Variants in RAD21L1 observed in about 807,000 individuals in gnomAD.
RAD21L1 encodes double-strand-break repair protein rad21-like protein 1.
Under a neutral mutation model 69.0 loss-of-function variants are expected in RAD21L1, and 47 were observed. The observed-to-expected ratio is 0.68, with a 90% CI of 0.54 to 0.87. RAD21L1 has a LOEUF of 0.87. Among genes scored for constraint, RAD21L1 ranks in the 40% least tolerant of loss-of-function variants. RAD21L1 has a pLI of 0.00. For synonymous variants in RAD21L1, 177 were observed against 205.8 expected (o/e 0.86, Z 1.20); for missense variants, 583 against 647.6 (o/e 0.90, Z 1.08).
Position 1,244,171 on chromosome 20 carries a change from G to A in RAD21L1, c.1308+1G>A. 1 of 1,534,596 alleles carries A rather than the reference G, an allele frequency of 6.5e-7. No individual in the cohort carries two copies. The highest frequency in any genetic ancestry group is 1.2e-5 in the South Asian group (1 of 81,280). On this transcript the variant is annotated splice_donor_variant, in intron 11 of 13. Transcript: ENST00000683101. LOFTEE classifies it high-confidence loss of function. ...TACCAATAAAAATATTAACTCTGAGGTAAGTTATCCAGAGAGAATCGTAAA... is the reference window on the plus strand; with the variant it reads ...TACCAATAAAAATATTAACTCTGAGATAAGTTATCCAGAGAGAATCGTAAA...
intron 11 of RAD21L1, among the ~76,000 whole-genome samples, chr20:1,245,807 G>T (rs750892815): frequency 6.6e-6 from 1 of 151,832 alleles, no homozygotes. Flanking sequence ...CTCTCTGCTT[G>T]CTTATTGCAG....
In RAD21L1 at chr20:1,246,527, A is replaced by G. The variant is rs893755412; in HGVS notation, c.1401+222A>G. Reference sequence around the variant, plus strand: ...TTTAATTTCTTTTGAAACTTCAAATACTTTTAAGGGAAAGTGTGAGGTTTT... The same window carrying G: ...TTTAATTTCTTTTGAAACTTCAAATGCTTTTAAGGGAAAGTGTGAGGTTTT... On this transcript the variant is annotated intron_variant, in intron 12 of 13. Transcript: ENST00000683101. The surrounding 1 kb of genome is among the most constrained non-coding windows in gnomAD (Gnocchi z 4.6). Among the ~76,000 whole-genome samples the G allele has an allele frequency of 1.3e-5, 2 of 152,188 alleles. No homozygotes were observed. The highest frequency in any genetic ancestry group is 2.9e-5 in the Non-Finnish European group (2 of 68,024).
At chr20:1,243,270 A>G (rs2087654220) in intron 10 of RAD21L1, 74 bp downstream of exon 10, 1 of 684,102 alleles carries the variant, frequency 1.5e-6, no homozygotes, top group Non-Finnish European at 2.4e-6. Flanking sequence ...AAATTTCAAA[A>G]TGAAGGTGGG....
Position 1,242,667 on chromosome 20 carries a change from C to A in RAD21L1, c.905C>A (p.Pro302His). The A allele has an allele frequency of 6.4e-7, 1 of 1,551,516 alleles. No individual in the cohort carries two copies. Residue 302 changes from proline to histidine, a missense_variant, in exon 9 of 14, where the codon CCT becomes CAT. Physicochemically the swap from Pro to His is moderately conservative, Grantham distance 77. Transcript: ENST00000683101. The part of the protein sequence containing the change: ...KGKKRRLLID[P>H]IKELSSKVIH... ...AAAAAGAGGAGATTGCTCATAGATC[C>A]TATCAAGGAGCTCAGTAGCAAAGTT...
At chr20:1,240,121 C>T (rs2087576609) in intron 7 of RAD21L1, among the ~76,000 whole-genome samples, 200 bp from the exon 8 acceptor site, 1 of 152,192 alleles carries the variant, frequency 6.6e-6, no homozygotes, top group Admixed American at 6.5e-5. Flanking sequence ...ACTTGACTCA[C>T]TCGAATACTG....
chr20:1,229,578 G>A (rs969650817), intron 2 of RAD21L1, among the ~76,000 whole-genome samples: 19 of 152,128 alleles, frequency 1.2e-4, no homozygotes, highest in Admixed American at 3.3e-4. Context: ...AGTTCAGGAA[G>A]GTTAAGTGAC....
intron 5 of RAD21L1, among the ~76,000 whole-genome samples, chr20:1,235,305 C>T (rs1600219346): frequency 6.6e-6 from 1 of 152,096 alleles, no homozygotes. Flanking sequence ...TGAGCGACAT[C>T]TCTAACCTCA....
At chr20:1,240,179 A>G in intron 7 of RAD21L1, 142 bp from the exon 8 acceptor site, 1 of 1,355,108 alleles carries the variant, frequency 7.4e-7, no homozygotes, top group Non-Finnish European at 9.5e-7. Flanking sequence ...TCTATTAAAT[A>G]AATGGTTCTA....
At chr20:1,228,812 C>A (rs2087322178) in intron 2 of RAD21L1, among the ~76,000 whole-genome samples, 5 of 152,034 alleles carry the variant, frequency 3.3e-5, no homozygotes. Flanking sequence ...TAGATTGGAC[C>A]CTAAGGGACA....
chr20:1,242,775 A>G lies in RAD21L1; in HGVS notation c.1013A>G (p.Lys338Arg), dbSNP rs2087638287. Residue 338 changes from lysine (K) to arginine (R), a missense_variant, in exon 9 of 14, where the codon AAG becomes AGG. By Grantham distance (26) the Lys-to-Arg change is conservative (BLOSUM62 2). Transcript: ENST00000683101. ...APPTQRLMMW[K>R]KRGGVHTLLS... ...CCTACCCAAAGATTGATGATGTGGA[A>G]GAAGAGGGGAGGAGTGCATACACTT... The G allele has an allele frequency of 6.4e-7, 1 of 1,551,530 alleles. No homozygotes were observed. Among genetic ancestry groups the G allele is most frequent in the Non-Finnish European group, 8.7e-7 (1 of 1,146,952 alleles).
chr20:1,232,236 A>G (rs1293893322), intron 4 of RAD21L1, among the ~76,000 whole-genome samples: 1 of 152,174 alleles, frequency 6.6e-6, no homozygotes, highest in African/African-American at 2.4e-5. Context: ...GAGTGGTAGG[A>G]GATGAGGTCA....
intron 5 of RAD21L1, among the ~76,000 whole-genome samples, chr20:1,236,563 G>A (rs1401343514): frequency 6.6e-6 from 1 of 151,810 alleles, no homozygotes; most frequent in East Asian, 2.0e-4. Flanking sequence ...TAGTAAATGG[G>A]CAGATTTGGG....
intron 13 of RAD21L1, among the ~76,000 whole-genome samples, chr20:1,253,026 A>T (rs1185101245): frequency 6.6e-6 from 1 of 152,096 alleles, no homozygotes; most frequent in Non-Finnish European, 1.5e-5. Context: ...AACTGTCCTT[A>T]TTCTCTCCCA....
chr20:1,247,799 G>A (rs942853196), intron 12 of RAD21L1, among the ~76,000 whole-genome samples: 4 of 152,070 alleles, frequency 2.6e-5, no homozygotes, highest in African/African-American at 7.2e-5. Flanking sequence ...TGGACATGAG[G>A]TGAGAGTGAC....
At chr20:1,232,466 A>G (rs2087411390) in intron 4 of RAD21L1, among the ~76,000 whole-genome samples, 1 of 152,250 alleles carries the variant, frequency 6.6e-6, no homozygotes, top group Non-Finnish European at 1.5e-5. Context: ...AGAATGCAGT[A>G]TCTATGATCA....
In RAD21L1 at chr20:1,229,936, TA is replaced by T; in HGVS notation, c.203del (p.Asn68ThrfsTer18). ...HLLLGVVRIY[N>X]RKAKYLLADC... ...TTCTTTTGGGAGTTGTTCGAATCTA[TA>T]ACAGGAAGGCAAAATATCTTTTGGC... On this transcript the variant is annotated frameshift_variant, in exon 3 of 14. Coordinates refer to ENST00000683101, the MANE Select transcript of RAD21L1 (RefSeq NM_001384355.1). LOFTEE classifies it high-confidence loss of function. 1.3e-6 allele frequency: 2 copies of T among 1,550,708 alleles called. No homozygotes were observed. The highest frequency in any genetic ancestry group is 8.7e-7 in the Non-Finnish European group (1 of 1,146,036).
chr20:1,250,275 A>C (rs1239669511), intron 13 of RAD21L1, among the ~76,000 whole-genome samples: 5 of 129,556 alleles, frequency 3.9e-5, no homozygotes, highest in African/African-American at 1.2e-4. Context: ...TTATTATACT[A>C]TGAGTTTTAG....
Position 1,246,326 on chromosome 20 carries a change from G to A in RAD21L1, c.1401+21G>A. The A allele has an allele frequency of 7.9e-7, 1 of 1,264,954 alleles. No individual in the cohort carries two copies. The allele number at this position is 1,264,954 out of a possible 1,614,324, so 78.4% of individuals were successfully genotyped here. A position where few individuals can be genotyped will look rare whatever the true frequency, so the allele number is the denominator to read the frequency against. On this transcript the variant is annotated intron_variant, in intron 12 of 13. Coordinates refer to ENST00000683101, the MANE Select transcript of RAD21L1 (RefSeq NM_001384355.1). The surrounding 1 kb of genome is among the most constrained non-coding windows in gnomAD (Gnocchi z 4.6). Reference sequence around the variant, plus strand: ...AATTGGTAAATATATGTGTAGTCTTGGGGATGTTCTTAAAAACTTTATTCC... The same window carrying A: ...AATTGGTAAATATATGTGTAGTCTTAGGGATGTTCTTAAAAACTTTATTCC...
intron 5 of RAD21L1, among the ~76,000 whole-genome samples, chr20:1,235,410 A>G (rs758367838): frequency 4.6e-5 from 7 of 152,096 alleles, no homozygotes; most frequent in Non-Finnish European, 8.8e-5. Flanking sequence ...ATATTTGTCC[A>G]TTTTCAATCT....
Sources: allele counts gnomAD v4.1 joint callset (sites outside exome capture counted in the v4.1 genomes callset), GRCh38; gene constraint gnomAD v4.1.1; non-coding constraint Gnocchi (gnomAD v3.1); transcripts MANE v1.5; gene names NCBI Gene and HGNC (gene_info 2026-07-23, HGNC 2026-07-21).